Variants in MYCBPAP observed in about 807,000 individuals in gnomAD.
MYCBPAP encodes the protein MYCBP-associated protein.
In MYCBPAP, 60 loss-of-function variants were observed where a neutral mutation model predicts 106.1. That is an observed-to-expected ratio of 0.57 (90% confidence interval 0.46 to 0.70). MYCBPAP has a LOEUF of 0.70. Ranked by LOEUF, MYCBPAP falls within the 30% of genes least tolerant of loss-of-function variation. MYCBPAP has a pLI of 0.00. For missense variants in MYCBPAP, 1,064 were observed against 1,169.3 expected (o/e 0.91, Z 1.31); for synonymous variants, 407 against 440.6 (o/e 0.92, Z 0.95).
chr17:50,521,248 A>C (rs1253305184), intron 8 of MYCBPAP, 23 bp downstream of exon 8: 4 of 1,602,704 alleles, frequency 2.5e-6, no homozygotes, highest in Non-Finnish European at 2.6e-6. Context: ...TCCATGCCCC[A>C]GTCAGAAGCC....
At chr17:50,530,875 G>A (rs1010374512) in intron 18 of MYCBPAP, among the ~76,000 whole-genome samples, 1 of 151,876 alleles carries the variant, frequency 6.6e-6, no homozygotes. Context: ...AGGTACCAGC[G>A]CAGGGCCACC....
At position 50,526,125 on chromosome 17, in the gene MYCBPAP, G is replaced by A. The variant is rs2034450242; in HGVS notation, c.2027G>A (p.Gly676Glu). ...RESGSQKARV[G>E]TKSPQRKSIM... Reference sequence around the variant, plus strand: ...TCCGGGTCCCAGAAGGCCAGAGTGGGGACCAAGAGTCCTCAGCGGAAGAGC... The same window carrying A: ...TCCGGGTCCCAGAAGGCCAGAGTGGAGACCAAGAGTCCTCAGCGGAAGAGC... Residue 676 changes from glycine (G) to glutamate (E), a missense_variant, in exon 14 of 19, where the codon GGG becomes GAG. Transcript: ENST00000323776. 2 of 1,613,896 alleles carry A rather than the reference G, an allele frequency of 1.2e-6. No homozygotes were observed. Among genetic ancestry groups the A allele is most frequent in the Non-Finnish European group, 1.7e-6 (2 of 1,180,036 alleles).
Position 50,529,145 on chromosome 17 carries a change from AC to A in MYCBPAP, c.2686del (p.Leu896TrpfsTer22). 1 of 1,613,264 alleles carries A rather than the reference AC, an allele frequency of 6.2e-7. No individual in the cohort carries two copies. On this transcript the variant is annotated frameshift_variant, in exon 18 of 19. Transcript: ENST00000323776. LOFTEE classifies it low-confidence loss of function (END_TRUNC). ...DIILSSQEPI[D>X]PLVMGKYTQS... The stretch of plus-strand genomic sequence containing the variant: ...ATCCTCTCTTCTCAAGAACCCATAG[AC>A]CCCCTGGTCATGGGGAAATACACCC...
At position 50,521,966 on chromosome 17, in the gene MYCBPAP, C is replaced by T; in HGVS notation, c.1149-7C>T. ...AAGAGAAAATAAGTCATTGGCTTTT[C>T]TTACAGAGGCACATTGGCCAGTTCC... On this transcript the variant is annotated splice_polypyrimidine_tract_variant and splice_region_variant and intron_variant, in intron 9 of 18. Transcript: ENST00000323776. 1 of 1,612,092 alleles carries T rather than the reference C, an allele frequency of 6.2e-7. No homozygotes were observed. The highest frequency in any genetic ancestry group is 8.5e-7 in the Non-Finnish European group (1 of 1,178,412).
chr17:50,517,234 G>C, intron 2 of MYCBPAP, 59 bp from the exon 3 acceptor site: 1 of 1,502,128 alleles, frequency 6.7e-7, no homozygotes, highest in South Asian at 1.1e-5. Context: ...GAAGAGATGG[G>C]TGGTGCTCTT....
intron 2 of MYCBPAP, 135 bp from the exon 3 acceptor site, chr17:50,517,158 A>G (rs2034080843): frequency 1.3e-6 from 1 of 796,192 alleles, no homozygotes; most frequent in Non-Finnish European, 2.1e-6. Flanking sequence ...TCCTTGACAG[A>G]ACATATGGAC....
At chr17:50,508,991 G>C (rs1170556138) in intron 1 of MYCBPAP, 4 of 702,612 alleles carry the variant, frequency 5.7e-6, no homozygotes, top group Non-Finnish European at 1.0e-5. Context: ...AGGGGCCTCA[G>C]GGACCACTGG....
rs1391696662 is a variant in MYCBPAP, at chr17:50,517,334, C to T, written c.246C>T (p.Val82=). The change falls in exon 3 of 19, where the codon GTC becomes GTT. Residue 82 remains valine (V), a synonymous_variant. Coordinates refer to ENST00000323776, the MANE Select transcript of MYCBPAP (RefSeq NM_032133.6). ...TTACTGAAAAGGAAGATAAACGTGTCATCACCCAGAAATTTATCATCCGTA... is the reference window on the plus strand; with the variant it reads ...TTACTGAAAAGGAAGATAAACGTGTTATCACCCAGAAATTTATCATCCGTA... ...PRLTEKEDKR[V]ITQKFIIRKL... 1 of 1,614,164 alleles carries T rather than the reference C, an allele frequency of 6.2e-7. No homozygotes were observed. The highest frequency in any genetic ancestry group is 8.5e-7 in the Non-Finnish European group (1 of 1,180,042).
chr17:50,517,143 G>A (rs1014807502), intron 2 of MYCBPAP, 150 bp from the exon 3 acceptor site: 1 of 717,946 alleles, frequency 1.4e-6, no homozygotes, highest in Non-Finnish European at 2.4e-6. Context: ...TGTTACACAG[G>A]CATTTCCTTG....
chr17:50,521,840 T>C (rs1323021100), intron 9 of MYCBPAP, 133 bp from the exon 10 acceptor site: 2 of 722,084 alleles, frequency 2.8e-6, no homozygotes, highest in Non-Finnish European at 4.7e-6. Flanking sequence ...TGCGTGGGAG[T>C]GGAGTTGATC....
chr17:50,523,895 AT>A, intron 12 of MYCBPAP, 111 bp downstream of exon 12: 1 of 1,109,608 alleles, frequency 9.0e-7, no homozygotes. Context: ...GGAGAATTGG[AT>A]TTTTAGCAAA....
At chr17:50,529,696 G>A (rs1386107573) in intron 18 of MYCBPAP, 3 of 452,626 alleles carry the variant, frequency 6.6e-6, no homozygotes, top group Non-Finnish European at 8.9e-6. Flanking sequence ...GGCTCTGGCC[G>A]CCCTTTGGAG....
rs182734552 is a variant in MYCBPAP at position 50,529,393 on chromosome 17, C to G, written c.2724+205C>G. The G allele has an allele frequency of 3.6e-4, 199 of 547,482 alleles. 3 individuals are homozygous for G. The highest frequency in any genetic ancestry group is 3.1e-3 in the African/African-American group (166 of 52,812). The allele number at this position is 547,482 out of a possible 1,614,324, so 33.9% of individuals were successfully genotyped here. On this transcript the variant is annotated intron_variant, in intron 18 of 18. Coordinates refer to ENST00000323776, the MANE Select transcript of MYCBPAP (RefSeq NM_032133.6). ...GAGTACGACGGGAGAGAAGATAGAC[C>G]AGGCAGGGAATGGAGGCACAGAGGC...
Position 50,529,107 on chromosome 17 carries a change from T to C in MYCBPAP, c.2643T>C (p.Pro881=). 6.2e-7 allele frequency: 1 copy of C among 1,614,082 alleles called. No individual in the cohort carries two copies. The highest frequency in any genetic ancestry group is 8.5e-7 in the Non-Finnish European group (1 of 1,180,016). Reference sequence around the variant, plus strand: ...AGGACAGGTTTTCTTTGGAAGACCCTACCCCTGACATCATCCTCTCTTCTC... The same window carrying C: ...AGGACAGGTTTTCTTTGGAAGACCCCACCCCTGACATCATCCTCTCTTCTC... ...ASQDRFSLED[P]TPDIILSSQE... Residue 881 remains proline (P), a synonymous_variant, in exon 18 of 19, where the codon CCT becomes CCC. Transcript: ENST00000323776.
chr17:50,528,219 C>CTGGGCCTGCCTGAGA lies in MYCBPAP; in HGVS notation c.2357_2371dup (p.Glu790_Lys791insMetGlyLeuProGlu). ...CCATTCCATGTGGCTGAGGTCTGTG[C>CTGGGCCTGCCTGAGA]TGGGCCTGCCTGAGAAGGAGACCAT... On this transcript the variant is annotated inframe_insertion, in exon 16 of 19. Transcript: ENST00000323776. 6.2e-7 allele frequency: 1 copy of CTGGGCCTGCCTGAGA among 1,614,124 alleles called. No individual in the cohort carries two copies. The highest frequency in any genetic ancestry group is 8.5e-7 in the Non-Finnish European group (1 of 1,180,004).
intron 9 of MYCBPAP, among the ~76,000 whole-genome samples, chr17:50,521,711 G>A (rs940927358): frequency 1.3e-5 from 2 of 152,198 alleles, no homozygotes; most frequent in African/African-American, 2.4e-5. Flanking sequence ...CATCTTGAAT[G>A]CCTCTGGCAT....
In MYCBPAP at chr17:50,531,464, A is replaced by G. The variant is rs2034645300; in HGVS notation, c.*36A>G. On this transcript the variant is annotated 3_prime_UTR_variant, in exon 19 of 19. Transcript: ENST00000323776. The stretch of plus-strand genomic sequence containing the variant: ...CAAGCAACCTTCTGGAAAACGGGTT[A>G]ATAAATAAATCAATAAAGAACCTTC... 6.7e-7 allele frequency: 1 copy of G among 1,490,844 alleles called. No homozygotes were observed. Among genetic ancestry groups the G allele is most frequent in the African/African-American group, 1.4e-5 (1 of 71,056 alleles). The allele number at this position is 1,490,844 out of a possible 1,614,324, so 92.4% of individuals were successfully genotyped here. A position where few individuals can be genotyped will look rare whatever the true frequency, so the allele number is the denominator to read the frequency against.
chr17:50,524,737 TGAGAGAGA>T (rs3840067), intron 12 of MYCBPAP, 132 bp from the exon 13 acceptor site: 1 of 461,104 alleles, frequency 2.2e-6, no homozygotes, highest in Non-Finnish European at 3.8e-6. Flanking sequence ...TGTGTGTGTG[TGAGAGAGA>T]GAGAGAGAGA....
At chr17:50,531,094 G>C (rs948515959) in intron 18 of MYCBPAP, among the ~76,000 whole-genome samples, 3 of 151,232 alleles carry the variant, frequency 2.0e-5, no homozygotes, top group Admixed American at 6.6e-5. Context: ...CAAGGCTGCA[G>C]TGAGCCATGA....
Sources: allele counts gnomAD v4.1 joint callset (sites outside exome capture counted in the v4.1 genomes callset), GRCh38; gene constraint gnomAD v4.1.1; transcripts MANE v1.5; gene names NCBI Gene and HGNC (gene_info 2026-07-23, HGNC 2026-07-21).